CS: variants seen among roughly 807,000 people sequenced by gnomAD.
CS encodes citrate synthase, also known as citrate synthase, mitochondrial.
Under a neutral mutation model 61.4 loss-of-function variants are expected in CS, and 13 were observed. That is an observed-to-expected ratio of 0.21 (90% CI 0.14 to 0.34). The LOEUF is 0.34. Among genes scored for constraint, CS ranks in the 10% least tolerant of loss-of-function variants. The pLI is 1.00. For synonymous variants in CS, 159 were observed against 215.2 expected, an observed-to-expected ratio of 0.74 and a Z score of 2.29; for missense variants, 278 against 573.4, an observed-to-expected ratio of 0.48 and a Z score of 5.26.
At chr12:56,278,745 A>G (rs1205928367) in intron 6 of CS, among the ~76,000 whole-genome samples, 3 of 152,042 alleles carry the variant, frequency 2.0e-5, no homozygotes, top group African/African-American at 7.2e-5. Flanking sequence ...AAAAAAAAAA[A>G]AAAAGTTGGT....
At chr12:56,287,509 A>G (rs796143860) in intron 1 of CS, among the ~76,000 whole-genome samples, 135 of 145,434 alleles carry the variant, frequency 9.3e-4, no homozygotes, top group African/African-American at 1.5e-3. Context: ...AAAAAAAAAA[A>G]AGAGAGAGAG....
chr12:56,283,655 C>T, intron 4 of CS, 137 bp downstream of exon 4: 12 of 612,618 alleles, frequency 2.0e-5, no homozygotes, highest in South Asian at 4.1e-5. Flanking sequence ...TCAATTATTC[C>T]ATACATATGT....
At chr12:56,292,088 T>C (rs192262321) in intron 1 of CS, among the ~76,000 whole-genome samples, 235 of 152,290 alleles carry the variant, frequency 1.5e-3, no homozygotes, top group African/African-American at 5.1e-3. Flanking sequence ...TCCTCTGCCT[T>C]TGCCTCTTTA....
chr12:56,296,824 C>T lies in CS; in HGVS notation c.42+3336G>A, dbSNP rs530659471. Among the ~76,000 whole-genome samples, 81 of 152,294 alleles carry T rather than the reference C, an allele frequency of 5.3e-4. 2 individuals carry two copies. The highest frequency in any genetic ancestry group is 5.2e-3 in the Admixed American group (79 of 15,276). On this transcript the variant is annotated intron_variant, in intron 1 of 10. Transcript: ENST00000351328. ...TAACACCCCATAAGGCTTCCCCTGC[C>T]ATTCTAGTATCAAGGAATCACCGTT...
rs939411237 is a variant in CS at position 56,275,828 on chromosome 12, A to C, written c.788+168T>G. The C allele has an allele frequency of 2.1e-5, 13 of 632,892 alleles. No homozygotes were observed. In the African/African-American group the frequency reaches 2.4e-4, roughly 12 times the overall value. 39.2% of individuals were successfully genotyped at this position (632,892 alleles called of 1,614,324 possible). On this transcript the variant is annotated intron_variant, in intron 7 of 10. Transcript: ENST00000351328. ...TACAGTAATTTCTTTAGGCCTCCTG[A>C]CCTTGCTTACTAGACCCCTTTCTTG...
chr12:56,287,395 T>C lies in CS; in HGVS notation c.43-750A>G, dbSNP rs1333295270. 6.6e-5 allele frequency among the ~76,000 whole-genome samples: 9 copies of C among 136,234 alleles called. No individual in the cohort carries two copies. The South Asian group carries it at 6.7e-4, about 10-fold the overall frequency. 89.4% of individuals were successfully genotyped at this position (136,234 alleles called of 152,430 possible). On this transcript the variant is annotated intron_variant, in intron 1 of 10. Coordinates refer to ENST00000351328, the MANE Select transcript of CS (RefSeq NM_004077.3). The stretch of plus-strand genomic sequence containing the variant: ...TACTCAGGAGACTGAGGTGGGAGAA[T>C]GGCTTAAACCTTGGAGGCAGAGGTT...
At chr12:56,276,237 T>C in intron 6 of CS, 42 bp from the exon 7 acceptor site, 6 of 1,593,598 alleles carry the variant, frequency 3.8e-6, no homozygotes, top group South Asian at 1.1e-5. Context: ...AAAGGAATTA[T>C]CAGCAAAGAA....
intron 4 of CS, among the ~76,000 whole-genome samples, chr12:56,283,313 G>A (rs886213736): frequency 1.4e-4 from 21 of 152,018 alleles, no homozygotes; most frequent in African/African-American, 3.6e-4. Flanking sequence ...GTGCGATCTC[G>A]GCTCACTGCA....
intron 1 of CS, among the ~76,000 whole-genome samples, chr12:56,295,950 T>A (rs1873289195): frequency 5.8e-5 from 2 of 34,436 alleles, no homozygotes; most frequent in Non-Finnish European, 9.7e-5. Context: ...CGAAACTGTC[T>A]CAAAAAAAAA....
intron 1 of CS, chr12:56,298,498 G>T: frequency 3.1e-6 from 1 of 320,236 alleles, no homozygotes; most frequent in Non-Finnish European, 4.5e-6. Context: ...TCACTGCAGG[G>T]TTAGACTATC....
chr12:56,291,391 G>T, intron 1 of CS: 1 of 595,104 alleles, frequency 1.7e-6, no homozygotes, highest in Non-Finnish European at 2.1e-6. Context: ...AAAGATACCA[G>T]TTTTCTTTTT....
chr12:56,295,613 A>G (rs1565624292), intron 1 of CS, among the ~76,000 whole-genome samples: 1 of 152,068 alleles, frequency 6.6e-6, no homozygotes, highest in East Asian at 1.9e-4. Flanking sequence ...TCATCATAAT[A>G]CTTTCTCAGG....
chr12:56,294,938 G>A (rs1003443970), intron 1 of CS, among the ~76,000 whole-genome samples: 2 of 151,876 alleles, frequency 1.3e-5, no homozygotes, highest in Admixed American at 1.3e-4. Flanking sequence ...GCTGATTTTT[G>A]TATTTTTAGT....
chr12:56,278,036 T>C (rs1872673474), intron 6 of CS, among the ~76,000 whole-genome samples: 1 of 152,252 alleles, frequency 6.6e-6, no homozygotes, highest in Non-Finnish European at 1.5e-5. Context: ...CATATACCTC[T>C]TTTTATAAAT....
intron 6 of CS, among the ~76,000 whole-genome samples, chr12:56,277,074 G>A (rs573377692): frequency 2.4e-4 from 37 of 151,322 alleles, no homozygotes; most frequent in African/African-American, 8.5e-4. Flanking sequence ...GGTGTGGGCC[G>A]GCGCCTATAA....
At chr12:56,274,677 A>C in intron 9 of CS, 100 bp downstream of exon 9, 1 of 933,230 alleles carries the variant, frequency 1.1e-6, no homozygotes, top group Non-Finnish European at 1.6e-6. Context: ...AGAAAAAAAA[A>C]TCTCTAATTT....
At chr12:56,295,232 A>G (rs1016781003) in intron 1 of CS, among the ~76,000 whole-genome samples, 1 of 151,776 alleles carries the variant, frequency 6.6e-6, no homozygotes, top group Non-Finnish European at 1.5e-5. Context: ...TAGCTAATAA[A>G]TATTTCTTGG....
chr12:56,273,722 C>T lies in CS; in HGVS notation c.1095G>A (p.Leu365=). ...ACATGGGGTCATTAGGCAGGTGTTT[C>T]AGAGCAAACTCTCGCTGACAGGTAT... ...PRYTCQREFA[L]KHLPNDPMFK... The change falls in exon 10 of 11, where the codon CTG becomes CTA. Residue 365 remains leucine (L), a synonymous_variant. Transcript: ENST00000351328. 6.2e-7 allele frequency: 1 copy of T among 1,614,230 alleles called. No homozygotes were observed.
intron 3 of CS, among the ~76,000 whole-genome samples, chr12:56,284,319 C>CAAAAAAAA (rs57352870): frequency 6.1e-4 from 45 of 73,364 alleles, no homozygotes; most frequent in Non-Finnish European, 1.0e-3. Flanking sequence ...AACTCCATCT[C>CAAAAAAAA]AAAAAAAAAA....
Sources: allele counts gnomAD v4.1 joint callset (sites outside exome capture counted in the v4.1 genomes callset), GRCh38; gene constraint gnomAD v4.1.1; transcripts MANE v1.5; gene names NCBI Gene and HGNC (gene_info 2026-07-23, HGNC 2026-07-21).